The following PDE1A variants were observed in gnomAD, a reference collection of about 807,000 sequenced individuals.
The protein encoded by PDE1A is phosphodiesterase 1A, also known as dual specificity calcium/calmodulin-dependent 3',5'-cyclic nucleotide phosphodiesterase 1A.
A neutral mutation model predicts 61.7 loss-of-function variants in PDE1A; 35 were observed. That is an observed-to-expected ratio of 0.57 (90% CI 0.43 to 0.75). The LOEUF (loss-of-function observed/expected upper bound fraction) is 0.75, where lower values mean the gene tolerates loss of function less well. PDE1A is among the 30% of genes least tolerant of loss of function. The pLI, the probability that PDE1A is intolerant of heterozygous loss-of-function variation, is 0.00. For missense variants in PDE1A, 597 were observed against 630.6 expected (o/e 0.95, Z 0.57); for synonymous variants, 232 against 213.2 (o/e 1.09, Z -0.77).
the PDE1A span, among the ~76,000 whole-genome samples, chr2:182,645,078 T>C: frequency 1.3e-5 from 2 of 150,992 alleles, no homozygotes; most frequent in Non-Finnish European, 2.9e-5. Flanking sequence ...CTCAGCCTCC[T>C]GGGTTTACGC....
the PDE1A span, among the ~76,000 whole-genome samples, chr2:182,575,503 G>A: frequency 6.6e-6 from 1 of 151,522 alleles, no homozygotes; most frequent in Non-Finnish European, 1.5e-5. Context: ...AGACCTCTAG[G>A]CCAGCAGAAC....
rs188689940 is a variant in PDE1A, at chr2:182,362,872, A to G, written c.53+63706T>C. ...AAATGTGATACATATACACCATGGAATACTATGCAGCCATAAAAAGGAATG... is the reference window on the plus strand; with the variant it reads ...AAATGTGATACATATACACCATGGAGTACTATGCAGCCATAAAAAGGAATG... On this transcript the variant is annotated intron_variant, in intron 1 of 13. Transcript: ENST00000351439. Among the ~76,000 whole-genome samples, 856 of 152,246 alleles carry G rather than the reference A, an allele frequency of 5.6e-3. 5 individuals carry two copies. The highest frequency in any genetic ancestry group is 0.019 in the African/African-American group (781 of 41,564).
chr2:182,416,137 A>G (rs1242664997), intron 1 of PDE1A, among the ~76,000 whole-genome samples: 1 of 152,230 alleles, frequency 6.6e-6, no homozygotes, highest in Non-Finnish European at 1.5e-5. Context: ...AGCAAATAGT[A>G]TAACAGATGT....
At chr2:182,255,321 T>C (rs1691694247) in intron 2 of PDE1A, among the ~76,000 whole-genome samples, 1 of 152,222 alleles carries the variant, frequency 6.6e-6, no homozygotes, top group East Asian at 1.9e-4. Flanking sequence ...AGCCGTTCAT[T>C]AGCCCAATCT....
At chr2:182,446,647 A>G (rs983802604) in intron 2 of PDE1A, among the ~76,000 whole-genome samples, 6 of 152,124 alleles carry the variant, frequency 3.9e-5, no homozygotes, top group African/African-American at 1.2e-4. Context: ...ACTTGCTAAT[A>G]TTGTCATTTG....
At chr2:182,675,927 C>A in the PDE1A span, among the ~76,000 whole-genome samples, 3 of 152,142 alleles carry the variant, frequency 2.0e-5, no homozygotes, top group Non-Finnish European at 4.4e-5. Flanking sequence ...TTGATAATTT[C>A]TTTTGCTGTA....
intron 1 of PDE1A, among the ~76,000 whole-genome samples, chr2:182,410,830 C>T (rs904753436): frequency 6.6e-6 from 1 of 152,108 alleles, no homozygotes; most frequent in Non-Finnish European, 1.5e-5. Context: ...CCATCCATTC[C>T]CTTTGTGCCT....
At chr2:182,293,423 T>C (rs1330415638) in intron 1 of PDE1A, among the ~76,000 whole-genome samples, 1 of 152,186 alleles carries the variant, frequency 6.6e-6, no homozygotes, top group African/African-American at 2.4e-5. Flanking sequence ...GTTACTTCAG[T>C]ATTAATGATC....
intron 13 of PDE1A, among the ~76,000 whole-genome samples, chr2:182,170,483 G>A (rs1206943789): frequency 6.6e-6 from 1 of 151,458 alleles, no homozygotes; most frequent in Non-Finnish European, 1.5e-5. Context: ...GCTAGTCTTT[G>A]GGGTAAGGTT....
At chr2:182,203,427 C>T (rs1358000420) in intron 8 of PDE1A, among the ~76,000 whole-genome samples, 3 of 152,160 alleles carry the variant, frequency 2.0e-5, no homozygotes, top group Non-Finnish European at 4.4e-5. Context: ...CAATACTCTG[C>T]TTACTTACTT....
At chr2:182,612,830 C>G in the PDE1A span, among the ~76,000 whole-genome samples, 2 of 152,168 alleles carry the variant, frequency 1.3e-5, no homozygotes, top group Non-Finnish European at 2.9e-5. Context: ...ATTTTATAAA[C>G]TTTTCCTCTG....
chr2:182,196,422 G>GT (rs1267301212), intron 10 of PDE1A, among the ~76,000 whole-genome samples: 1 of 151,706 alleles, frequency 6.6e-6, no homozygotes, highest in Non-Finnish European at 1.5e-5. Context: ...TTTTAGTTTT[G>GT]TTTTTTCCCA....
intron 2 of PDE1A, among the ~76,000 whole-genome samples, chr2:182,441,288 G>T (rs1435352311): frequency 6.6e-6 from 1 of 151,724 alleles, no homozygotes; most frequent in East Asian, 1.9e-4. Flanking sequence ...ATTTGGGTGG[G>T]GACAAAGCCA....
chr2:182,589,656 G>T, the PDE1A span, among the ~76,000 whole-genome samples: 1 of 152,182 alleles, frequency 6.6e-6, no homozygotes, highest in South Asian at 2.1e-4. Flanking sequence ...TCAGGGAAAC[G>T]AGTACATCAG....
chr2:182,454,104 A>C (rs1685724588), intron 2 of PDE1A, among the ~76,000 whole-genome samples: 2 of 152,156 alleles, frequency 1.3e-5, no homozygotes, highest in South Asian at 4.1e-4. Flanking sequence ...AAAAATCACA[A>C]GCATTCTTAT....
At chr2:182,713,399 G>T in the PDE1A span, among the ~76,000 whole-genome samples, 1 of 152,146 alleles carries the variant, frequency 6.6e-6, no homozygotes, top group African/African-American at 2.4e-5. Context: ...GGGAGGCTGA[G>T]GTGGGCAGAT....
intron 2 of PDE1A, among the ~76,000 whole-genome samples, chr2:182,520,509 T>C (rs530528901): frequency 2.8e-4 from 42 of 152,114 alleles, no homozygotes; most frequent in African/African-American, 9.9e-4. Flanking sequence ...CATGAAGATC[T>C]ACTGTTGGAT....
chr2:182,495,509 G>C (rs1688658992), intron 2 of PDE1A, among the ~76,000 whole-genome samples: 1 of 152,158 alleles, frequency 6.6e-6, no homozygotes, highest in Non-Finnish European at 1.5e-5. Flanking sequence ...GTTTTATTTA[G>C]TCTTCATAGT....
intron 2 of PDE1A, among the ~76,000 whole-genome samples, chr2:182,506,144 A>C (rs1232936726): frequency 1.1e-4 from 16 of 152,174 alleles, no homozygotes; most frequent in Admixed American, 1.0e-3. Flanking sequence ...ATTCTATATA[A>C]AATTTTTCCT....
Sources: allele counts gnomAD v4.1 joint callset (sites outside exome capture counted in the v4.1 genomes callset), GRCh38; gene constraint gnomAD v4.1.1; transcripts MANE v1.5; gene names NCBI Gene and HGNC (gene_info 2026-07-23, HGNC 2026-07-21).